Variants in ZSCAN2 observed in about 807,000 individuals in gnomAD.
The protein encoded by ZSCAN2 is zinc finger and SCAN domain-containing protein 2.
A neutral mutation model predicts 47.8 loss-of-function variants in ZSCAN2; 26 were observed. The observed-to-expected ratio is 0.54, with a 90% CI of 0.40 to 0.75. ZSCAN2 has a LOEUF of 0.75. Ranked by LOEUF, ZSCAN2 falls within the 30% of genes least tolerant of loss-of-function variation. The pLI is 0.00. For synonymous variants in ZSCAN2, 305 were observed against 288.7 expected, an observed-to-expected ratio of 1.06 and a Z score of -0.57; for missense variants, 732 against 785.4, an observed-to-expected ratio of 0.93 and a Z score of 0.81.
Position 84,603,818 on chromosome 15 carries a change from A to G in ZSCAN2, c.-108-2A>G. ...ATTATGGTTCTCTTTTTTGTTTCTC[A>G]GCGGGACTACTTGTTGATATTTGAG... On this transcript the variant is annotated splice_acceptor_variant, in intron 1 of 2. Coordinates refer to ENST00000546148, the MANE Select transcript of ZSCAN2 (RefSeq NM_181877.4). LOFTEE classifies it low-confidence loss of function (5UTR_SPLICE). 7.7e-7 allele frequency: 1 copy of G among 1,305,380 alleles called. No individual in the cohort carries two copies. Among genetic ancestry groups the G allele is most frequent in the Non-Finnish European group, 1.1e-6 (1 of 946,658 alleles). 80.9% of individuals were successfully genotyped at this position (1,305,380 alleles called of 1,614,324 possible).
chr15:84,620,708 C>T lies in ZSCAN2; in HGVS notation c.513C>T (p.His171=), dbSNP rs1405110923. 3.1e-6 allele frequency: 5 copies of T among 1,614,118 alleles called. No individual in the cohort carries two copies. In the African/African-American group the frequency reaches 6.7e-5, roughly 22 times the overall value. ...TGCCTGAAGGTGAAAGTGCTCAGCA[C>T]TCCGATGGGGAAAGTGACTTTGAGA... The part of the protein sequence containing the change: ...SEMPEGESAQ[H]SDGESDFERD... The change falls in exon 3 of 3, where the codon CAC becomes CAT. Residue 171 remains histidine (H), a synonymous_variant. Transcript: ENST00000546148.
In ZSCAN2 at chr15:84,621,003, A is replaced by C; in HGVS notation, c.808A>C (p.Thr270Pro). 2 of 1,613,856 alleles carry C rather than the reference A, an allele frequency of 1.2e-6. No homozygotes were observed. Among genetic ancestry groups the C allele is most frequent in the East Asian group, 2.2e-5 (1 of 44,874 alleles). ...SDGSNFSRHQ[T>P]THTGEKPYKC... ...TGGTTCAAATTTTAGTAGACACCAA[A>C]CCACTCACACCGGGGAGAAGCCCTA... The change falls in exon 3 of 3, where the codon ACC becomes CCC. Residue 270 changes from threonine to proline, a missense_variant. Thr to Pro is a conservative substitution (Grantham distance 38). This residue lies in a region of ZSCAN2 where 412 missense variants were observed against 498.0 expected (regional missense o/e 0.83). Coordinates refer to ENST00000546148, the MANE Select transcript of ZSCAN2 (RefSeq NM_181877.4). The surrounding 1 kb of genome is among the most constrained non-coding windows in gnomAD (Gnocchi z 5.7).
intron 1 of ZSCAN2, chr15:84,602,242 C>G (rs535563912): frequency 6.6e-6 from 1 of 152,188 alleles, no homozygotes; most frequent in African/African-American, 2.4e-5. Context: ...TGAGCCACCG[C>G]GCCCGGCTGT....
chr15:84,605,118 T>C lies in ZSCAN2; in HGVS notation c.406+785T>C, dbSNP rs896432635. ...AGGGACTTTCTGTGGTATAAAGTAA[T>C]CCTGGGCTCTTAAAATCGTAATTTC... On this transcript the variant is annotated intron_variant, in intron 2 of 2. Coordinates refer to ENST00000546148, the MANE Select transcript of ZSCAN2 (RefSeq NM_181877.4). Among the ~76,000 whole-genome samples the C allele has an allele frequency of 3.9e-5, 6 of 152,196 alleles. No homozygotes were observed. In the East Asian group the frequency reaches 1.2e-3, roughly 29 times the overall value.
intron 2 of ZSCAN2, among the ~76,000 whole-genome samples, chr15:84,619,928 T>G (rs892931432): frequency 1.4e-5 from 2 of 140,444 alleles, no homozygotes; most frequent in Non-Finnish European, 3.0e-5. Flanking sequence ...CCTGGGTTGG[T>G]TTTTTTTTTT....
intron 2 of ZSCAN2, among the ~76,000 whole-genome samples, chr15:84,618,093 TA>T (rs1285492335): frequency 1.3e-5 from 2 of 152,186 alleles, no homozygotes; most frequent in African/African-American, 2.4e-5. Context: ...CATCTAACCT[TA>T]AATAAAGTTT....
chr15:84,621,756 C>T lies in ZSCAN2; in HGVS notation c.1561C>T (p.Gln521Ter). ...CCAGCGCTCCCAGCTCGTAGTGCAC[C>T]AGCGGACCCACACGGGCGAGAAGCC... is the stretch of plus-strand genomic sequence containing the variant. ...FSQRSQLVVH[Q>*]RTHTGEKPYK... Residue 521 changes from glutamine (Q) to a stop codon, truncating the protein, a stop_gained, in exon 3 of 3, where the codon CAG becomes TAG. Transcript: ENST00000546148. LOFTEE classifies it high-confidence loss of function. This position sits in a 1 kb window ranked among gnomAD's most constrained non-coding sequence, Gnocchi z 5.7. 6.2e-7 allele frequency: 1 copy of T among 1,614,210 alleles called. No homozygotes were observed. Among genetic ancestry groups the T allele is most frequent in the Non-Finnish European group, 8.5e-7 (1 of 1,180,024 alleles).
intron 2 of ZSCAN2, among the ~76,000 whole-genome samples, chr15:84,605,516 A>G (rs2141761461): frequency 6.6e-6 from 1 of 152,102 alleles, no homozygotes; most frequent in South Asian, 2.1e-4. Flanking sequence ...GGTGGTTTAT[A>G]CCTTTGGGTG....
At chr15:84,613,968 C>G (rs1240412795) in intron 2 of ZSCAN2, among the ~76,000 whole-genome samples, 1 of 139,980 alleles carries the variant, frequency 7.1e-6, no homozygotes, top group South Asian at 2.3e-4. Flanking sequence ...GTGTGAGCCA[C>G]TGCTCTTGGC....
intron 2 of ZSCAN2, among the ~76,000 whole-genome samples, chr15:84,616,777 G>C (rs1256912966): frequency 6.6e-6 from 1 of 152,168 alleles, no homozygotes; most frequent in Non-Finnish European, 1.5e-5. Flanking sequence ...TGGCCTGCAG[G>C]TTCTTCTAGA....
In ZSCAN2 at chr15:84,622,246, C is replaced by T. The variant is rs961235453; in HGVS notation, c.*206C>T. Reference sequence around the variant, plus strand: ...TATACATTCAAGAACAGGGCATAGGCGTGGAAGGTCTGGAAAGTTGGGTCT... The same window carrying T: ...TATACATTCAAGAACAGGGCATAGGTGTGGAAGGTCTGGAAAGTTGGGTCT... On this transcript the variant is annotated 3_prime_UTR_variant, in exon 3 of 3. Coordinates refer to ENST00000546148, the MANE Select transcript of ZSCAN2 (RefSeq NM_181877.4). The T allele has an allele frequency of 6.7e-6, 4 of 593,486 alleles. No homozygotes were observed. Among genetic ancestry groups the T allele is most frequent in the South Asian group, 2.3e-5 (1 of 43,862 alleles). The allele number at this position is 593,486 out of a possible 1,614,324, so 36.8% of individuals were successfully genotyped here.
chr15:84,622,241 A>G lies in ZSCAN2; in HGVS notation c.*201A>G. 1 of 604,900 alleles carries G rather than the reference A, an allele frequency of 1.7e-6. No homozygotes were observed. The allele number at this position is 604,900 out of a possible 1,614,324, so 37.5% of individuals were successfully genotyped here. On this transcript the variant is annotated 3_prime_UTR_variant, in exon 3 of 3. Coordinates refer to ENST00000546148, the MANE Select transcript of ZSCAN2 (RefSeq NM_181877.4). ...TCCCGTATACATTCAAGAACAGGGC[A>G]TAGGCGTGGAAGGTCTGGAAAGTTG...
In ZSCAN2 at chr15:84,620,770, C is replaced by T. The variant is rs751906497; in HGVS notation, c.575C>T (p.Pro192Leu). Residue 192 changes from proline to leucine, a missense_variant, in exon 3 of 3, where the codon CCA (proline) becomes CTA (leucine). Around this residue, in one of 2 missense-constraint regions of ZSCAN2, gnomAD observed 320 missense variants for 287.4 expected, o/e 1.11. Coordinates refer to ENST00000546148, the MANE Select transcript of ZSCAN2 (RefSeq NM_181877.4). ...AGIQRLQGHS[P>L]GEDHGEVVSQ... ...ATCCAGAGGCTCCAGGGACACAGCC[C>T]AGGTGAGGACCACGGGGAGGTGGTT... 1.2e-6 allele frequency: 2 copies of T among 1,614,114 alleles called. No homozygotes were observed. Among genetic ancestry groups the T allele is most frequent in the African/African-American group, 2.7e-5 (2 of 74,934 alleles).
chr15:84,613,650 TC>T (rs1895614698), intron 2 of ZSCAN2, among the ~76,000 whole-genome samples: 1 of 150,104 alleles, frequency 6.7e-6, no homozygotes, highest in African/African-American at 2.5e-5. Context: ...ATAGTCCCTC[TC>T]CCCTCCAATT....
chr15:84,602,930 T>C (rs986234003), intron 1 of ZSCAN2, among the ~76,000 whole-genome samples: 1 of 152,040 alleles, frequency 6.6e-6, no homozygotes, highest in African/African-American at 2.4e-5. Context: ...TGTCATAGTT[T>C]ATTAGCCATT....
chr15:84,623,006 T>C lies in ZSCAN2; in HGVS notation c.*966T>C, dbSNP rs1480037384. 6 of 302,248 alleles carry C rather than the reference T, an allele frequency of 2.0e-5. No individual in the cohort carries two copies. The East Asian group carries it at 3.7e-4, about 19-fold the overall frequency. 18.7% of individuals were successfully genotyped at this position (302,248 alleles called of 1,614,324 possible). On this transcript the variant is annotated 3_prime_UTR_variant, in exon 3 of 3. Transcript: ENST00000546148. ...ATAATTTCTGAATTATTCTATGCACTTGTTTCCCTCTTCTTTTATTTTTTA... is the reference window on the plus strand; with the variant it reads ...ATAATTTCTGAATTATTCTATGCACCTGTTTCCCTCTTCTTTTATTTTTTA...
chr15:84,618,948 C>T (rs535843079), intron 2 of ZSCAN2, among the ~76,000 whole-genome samples: 11 of 152,220 alleles, frequency 7.2e-5, no homozygotes, highest in South Asian at 4.2e-4. Flanking sequence ...ACAGTTCTGC[C>T]GGGGGTCAGA....
At chr15:84,616,099 T>G (rs1270981351) in intron 2 of ZSCAN2, among the ~76,000 whole-genome samples, 1 of 151,776 alleles carries the variant, frequency 6.6e-6, no homozygotes, top group Non-Finnish European at 1.5e-5. Context: ...GAGCCGGGGG[T>G]GGTGGTGTGC....
At position 84,623,338 on chromosome 15, in the gene ZSCAN2, C is replaced by T. The variant is rs1386433695; in HGVS notation, c.*1298C>T. 1.5e-5 allele frequency: 3 copies of T among 202,454 alleles called. No homozygotes were observed. The highest frequency in any genetic ancestry group is 3.4e-5 in the Non-Finnish European group (3 of 88,782). The allele number at this position is 202,454 out of a possible 1,614,324, so 12.5% of individuals were successfully genotyped here. A position where few individuals can be genotyped will look rare whatever the true frequency, so the allele number is the denominator to read the frequency against. ...CGATCTCCTGTCCTCGTGATCTGCC[C>T]GCCTTGGCCTCCCGAAGTGCTGGGA... On this transcript the variant is annotated 3_prime_UTR_variant, in exon 3 of 3. Coordinates refer to ENST00000546148, the MANE Select transcript of ZSCAN2 (RefSeq NM_181877.4).
Sources: allele counts gnomAD v4.1 joint callset (sites outside exome capture counted in the v4.1 genomes callset), GRCh38; gene constraint gnomAD v4.1.1; regional missense constraint gnomAD v4.1.1; non-coding constraint Gnocchi (gnomAD v3.1); transcripts MANE v1.5; gene names NCBI Gene and HGNC (gene_info 2026-07-23, HGNC 2026-07-21).